DRC7: variants seen among roughly 807,000 people sequenced by gnomAD.
The protein encoded by DRC7 is coiled-coil domain containing 135.
DRC7 carries 80 observed loss-of-function variants against 104.4 expected under a neutral mutation model. The ratio of observed to expected loss-of-function variants is 0.77; its 90% confidence interval spans 0.64 to 0.92. The LOEUF (loss-of-function observed/expected upper bound fraction) is 0.92, where lower values mean the gene tolerates loss of function less well. DRC7 is among the 40% of genes least tolerant of loss of function. The probability of loss-of-function intolerance (pLI) is 0.00; values close to 1 mark genes in which losing one functional copy is unlikely to be tolerated. For synonymous variants in DRC7, 405 were observed against 447.3 expected, an observed-to-expected ratio of 0.91 and a Z score of 1.19; for missense variants, 1,034 against 1,141.1, an observed-to-expected ratio of 0.91 and a Z score of 1.35.
chr16:57,720,570 A>G (rs2048891935), intron 9 of DRC7, among the ~76,000 whole-genome samples: 1 of 152,200 alleles, frequency 6.6e-6, no homozygotes, highest in Non-Finnish European at 1.5e-5. Context: ...CCCTGGCCCA[A>G]GAGCCCTCAT....
chr16:57,727,412 C>CA lies in DRC7; in HGVS notation c.2196+4dup. The CA allele has an allele frequency of 6.2e-7, 1 of 1,605,966 alleles. No individual in the cohort carries two copies. Among genetic ancestry groups the CA allele is most frequent in the South Asian group, 1.1e-5 (1 of 90,894 alleles). On this transcript the variant is annotated splice_donor_region_variant and intron_variant, in intron 16 of 18. Transcript: ENST00000360716. Reference sequence around the variant, plus strand: ...GCAAGGAATATCGGGAGGCCATGGTCAGTCCCAATCCCTTCTCCAGGCCCC... The same window carrying CA: ...GCAAGGAATATCGGGAGGCCATGGTCAAGTCCCAATCCCTTCTCCAGGCCCC...
At chr16:57,723,776 A>G (rs1201495696) in intron 12 of DRC7, among the ~76,000 whole-genome samples, 2 of 137,784 alleles carry the variant, frequency 1.5e-5, no homozygotes, top group Non-Finnish European at 3.1e-5. Context: ...AGAAAAGCAT[A>G]GGAGTAATAT....
chr16:57,695,652 G>T (rs1028852493), intron 1 of DRC7, among the ~76,000 whole-genome samples: 8 of 152,254 alleles, frequency 5.3e-5, no homozygotes, highest in African/African-American at 1.9e-4. Flanking sequence ...GTCCTGAATG[G>T]TGTTGGGCTA....
chr16:57,706,532 A>C (rs1273005379), intron 7 of DRC7, among the ~76,000 whole-genome samples: 13 of 41,140 alleles, frequency 3.2e-4, no homozygotes, highest in African/African-American at 5.8e-4. Context: ...CCTCCCATCC[A>C]CCCATCCACC....
intron 8 of DRC7, among the ~76,000 whole-genome samples, chr16:57,716,977 T>C (rs2048849708): frequency 6.6e-6 from 1 of 151,708 alleles, no homozygotes; most frequent in African/African-American, 2.4e-5. Context: ...ACCAACATGG[T>C]GAAACCCTGT....
chr16:57,713,102 C>T (rs1217391259), intron 8 of DRC7, among the ~76,000 whole-genome samples: 1 of 152,180 alleles, frequency 6.6e-6, no homozygotes, highest in Non-Finnish European at 1.5e-5. Flanking sequence ...TATTATTTTA[C>T]ACTTGCTATA....
chr16:57,724,862 G>A (rs1378226166), intron 13 of DRC7, 27 bp downstream of exon 13: 1 of 1,574,808 alleles, frequency 6.3e-7, no homozygotes, highest in Non-Finnish European at 8.7e-7. Flanking sequence ...GCTGGGGACA[G>A]GTCGCCCTCC....
In DRC7 at chr16:57,726,475, CT is replaced by C. The variant is rs2048967254; in HGVS notation, c.1974+196del. The C allele has an allele frequency of 4.9e-6, 3 of 607,766 alleles. No homozygotes were observed. The African/African-American group carries it at 5.6e-5, about 11-fold the overall frequency. The allele number at this position is 607,766 out of a possible 1,614,324, so 37.6% of individuals were successfully genotyped here. A position where few individuals can be genotyped will look rare whatever the true frequency, so the allele number is the denominator to read the frequency against. On this transcript the variant is annotated intron_variant, in intron 14 of 18. Transcript: ENST00000360716. ...TCTTTGAGCTCCTCTGAAAATCTTC[CT>C]TTTCCACCAAAAAAGCGAACTCAGC...
chr16:57,704,878 C>T lies in DRC7; in HGVS notation c.702C>T (p.Thr234=). The part of the protein sequence containing the change: ...VCPLTVKPKE[T]IKKEEKVLPK... ...CTTCCTCTTCTTTTGGGTGACAGAC[C>T]ATCAAGAAGGAGGAAAAGGTGCTGC... Residue 234 remains threonine, a splice_region_variant and synonymous_variant, in exon 7 of 19, where the codon ACC becomes ACT. Coordinates refer to ENST00000360716, the MANE Select transcript of DRC7 (RefSeq NM_001289162.2). 6.2e-7 allele frequency: 1 copy of T among 1,613,284 alleles called. No homozygotes were observed. Among genetic ancestry groups the T allele is most frequent in the Non-Finnish European group, 8.5e-7 (1 of 1,179,678 alleles).
intron 2 of DRC7, among the ~76,000 whole-genome samples, chr16:57,697,106 T>C (rs997170170): frequency 1.2e-4 from 18 of 151,956 alleles, no homozygotes; most frequent in African/African-American, 4.1e-4. Context: ...AGAGACGGGG[T>C]TTCGCCATAT....
chr16:57,709,850 A>G (rs1445040492), intron 8 of DRC7, among the ~76,000 whole-genome samples: 2 of 152,158 alleles, frequency 1.3e-5, no homozygotes, highest in African/African-American at 4.8e-5. Flanking sequence ...GCTCACTGCA[A>G]CCTCTGGACT....
chr16:57,717,851 A>G (rs1379796015), intron 8 of DRC7, among the ~76,000 whole-genome samples: 1 of 152,116 alleles, frequency 6.6e-6, no homozygotes, highest in African/African-American at 2.4e-5. Flanking sequence ...CTCCACCTGC[A>G]TCTTATGTAT....
intron 12 of DRC7, among the ~76,000 whole-genome samples, chr16:57,723,593 T>G (rs991237542): frequency 6.6e-6 from 1 of 151,998 alleles, no homozygotes; most frequent in East Asian, 1.9e-4. Context: ...CCAGGCATGG[T>G]GGCATGTGCT....
rs142241137 is a variant in DRC7 at position 57,714,981 on chromosome 16, T to A, written c.1078-3366T>A. On this transcript the variant is annotated intron_variant, in intron 8 of 18. Coordinates refer to ENST00000360716, the MANE Select transcript of DRC7 (RefSeq NM_001289162.2). Reference sequence around the variant, plus strand: ...GAAGATGTAGGGCAGGACAGTGACATTTCTATAGTCCCAGATGCACCAAAT... The same window carrying A: ...GAAGATGTAGGGCAGGACAGTGACAATTCTATAGTCCCAGATGCACCAAAT... 195 of 313,502 alleles carry A rather than the reference T, an allele frequency of 6.2e-4. 2 individuals carry two copies. The East Asian group carries it at 0.018, about 29-fold the overall frequency. The allele number at this position is 313,502 out of a possible 1,614,324, so 19.4% of individuals were successfully genotyped here. A position where few individuals can be genotyped will look rare whatever the true frequency, so the allele number is the denominator to read the frequency against.
At chr16:57,730,236 A>G (rs1293436492) in intron 17 of DRC7, among the ~76,000 whole-genome samples, 3 of 106,742 alleles carry the variant, frequency 2.8e-5, no homozygotes, top group African/African-American at 3.8e-5. Context: ...TGGATGGATG[A>G]ATGGATGGGT....
intron 8 of DRC7, among the ~76,000 whole-genome samples, chr16:57,710,710 T>A (rs1180138900): frequency 2.0e-5 from 3 of 152,228 alleles, no homozygotes; most frequent in African/African-American, 4.8e-5. Flanking sequence ...AGATGCTAGA[T>A]TTTTGTCAAA....
Position 57,726,292 on chromosome 16 carries a change from G to T in DRC7, c.1974+9G>T, listed in dbSNP as rs757725564. 2.7e-5 allele frequency: 43 copies of T among 1,603,368 alleles called. No individual in the cohort carries two copies. The highest frequency in any genetic ancestry group is 3.4e-5 in the Non-Finnish European group (40 of 1,172,084). On this transcript the variant is annotated intron_variant, in intron 14 of 18. Coordinates refer to ENST00000360716, the MANE Select transcript of DRC7 (RefSeq NM_001289162.2). ...TGTGCATCAGCTTCGAGGTGGGCCT[G>T]GGGGCCACGGCGGGCAGGGGTCGGC...
chr16:57,718,984 AAAAAAT>A (rs1300773399), intron 9 of DRC7, among the ~76,000 whole-genome samples: 2 of 151,876 alleles, frequency 1.3e-5, no homozygotes, highest in Admixed American at 1.3e-4. Context: ...ACCCCACCAC[AAAAAAT>A]AAAAATAAAA....
At chr16:57,695,026 G>A (rs73554984) in intron 1 of DRC7, among the ~76,000 whole-genome samples, 174 bp downstream of exon 1, 2 of 152,054 alleles carry the variant, frequency 1.3e-5, no homozygotes, top group Admixed American at 6.5e-5. Context: ...CTGGTGGAGA[G>A]GGGGTGCAGG....
Sources: allele counts gnomAD v4.1 joint callset (sites outside exome capture counted in the v4.1 genomes callset), GRCh38; gene constraint gnomAD v4.1.1; transcripts MANE v1.5; gene names NCBI Gene and HGNC (gene_info 2026-07-23, HGNC 2026-07-21).